EXOC6B: variants seen among roughly 807,000 people sequenced by gnomAD.
EXOC6B encodes SEC15 homolog B.
A neutral mutation model predicts 113.5 loss-of-function variants in EXOC6B; 54 were observed. The ratio of observed to expected loss-of-function variants is 0.48; its 90% CI spans 0.38 to 0.60. The LOEUF (loss-of-function observed/expected upper bound fraction) is 0.60, where lower values mean the gene tolerates loss of function less well. Ranked by LOEUF, EXOC6B falls within the 20% of genes least tolerant of loss-of-function variation. The pLI is 0.00. For synonymous variants in EXOC6B, 357 were observed against 339.0 expected (o/e 1.05, Z -0.58); for missense variants, 797 against 977.5 (o/e 0.82, Z 2.46).
At chr2:72,265,578 T>G (rs1172746013) in intron 20 of EXOC6B, among the ~76,000 whole-genome samples, 1 of 151,908 alleles carries the variant, frequency 6.6e-6, no homozygotes, top group East Asian at 1.9e-4. Context: ...ACAAACGACA[T>G]GAACTCATCA....
intron 1 of EXOC6B, among the ~76,000 whole-genome samples, chr2:72,800,869 T>A (rs1027911236): frequency 5.3e-5 from 8 of 152,216 alleles, no homozygotes; most frequent in Non-Finnish European, 1.0e-4. Flanking sequence ...ATGTACACTC[T>A]ATCAACGATG....
intron 20 of EXOC6B, among the ~76,000 whole-genome samples, chr2:72,217,412 A>T (rs1402333010): frequency 6.6e-6 from 1 of 152,202 alleles, no homozygotes; most frequent in Non-Finnish European, 1.5e-5. Context: ...TCAGGGTATT[A>T]ACTACCTCTG....
At chr2:72,735,020 G>A (rs185444103) in intron 2 of EXOC6B, among the ~76,000 whole-genome samples, 1 of 152,126 alleles carries the variant, frequency 6.6e-6, no homozygotes, top group Non-Finnish European at 1.5e-5. Context: ...TTTGTTACTA[G>A]AAAACAGTAT....
At chr2:72,489,103 G>A (rs1307045234) in intron 16 of EXOC6B, among the ~76,000 whole-genome samples, 1 of 152,004 alleles carries the variant, frequency 6.6e-6, no homozygotes, top group East Asian at 1.9e-4. Context: ...ACTTACCCTC[G>A]AGGTGCTGCT....
At chr2:72,772,893 T>TC (rs929439772) in intron 1 of EXOC6B, among the ~76,000 whole-genome samples, 5 of 149,232 alleles carry the variant, frequency 3.4e-5, no homozygotes, top group South Asian at 2.1e-4. Flanking sequence ...AAAACCATAA[T>TC]CCCCCCACCC....
rs577833332 is a variant in EXOC6B, at chr2:72,229,574, A to G, written c.2197-45387T>C. ...CAGGGAGCTCCCCAGTGAAGGCTCTAGAGCATCCCATAAAAGGATGAAGAG... is the reference window on the plus strand; with the variant it reads ...CAGGGAGCTCCCCAGTGAAGGCTCTGGAGCATCCCATAAAAGGATGAAGAG... On this transcript the variant is annotated intron_variant, in intron 20 of 21. Coordinates refer to ENST00000272427, the MANE Select transcript of EXOC6B (RefSeq NM_015189.3). Among the ~76,000 whole-genome samples, 3 of 152,324 alleles carry G rather than the reference A, an allele frequency of 2.0e-5. No homozygotes were observed. The South Asian group carries it at 6.2e-4, about 32-fold the overall frequency.
chr2:72,718,040 AAC>A, intron 6 of EXOC6B, 61 bp downstream of exon 6: 1 of 1,252,960 alleles, frequency 8.0e-7, no homozygotes, highest in Non-Finnish European at 1.1e-6. Flanking sequence ...GGCAAAGAGA[AAC>A]CTGTGTTTAA....
chr2:72,678,923 C>T (rs537695740), intron 6 of EXOC6B, among the ~76,000 whole-genome samples: 85 of 152,252 alleles, frequency 5.6e-4, no homozygotes, highest in African/African-American at 1.9e-3. Context: ...AAAAATACCT[C>T]AAGATACAAT....
chr2:72,214,843 T>C (rs1038584394), intron 20 of EXOC6B, among the ~76,000 whole-genome samples: 1 of 152,232 alleles, frequency 6.6e-6, no homozygotes, highest in Admixed American at 6.5e-5. Flanking sequence ...TGTTTTTGCA[T>C]GCGAAAATTT....
intron 19 of EXOC6B, among the ~76,000 whole-genome samples, chr2:72,373,937 A>G (rs1196526884): frequency 2.0e-5 from 3 of 152,170 alleles, no homozygotes; most frequent in Non-Finnish European, 2.9e-5. Flanking sequence ...CCTGGGCAAC[A>G]TGGTGAAACT....
At chr2:72,681,849 T>C (rs1676725095) in intron 6 of EXOC6B, among the ~76,000 whole-genome samples, 1 of 152,154 alleles carries the variant, frequency 6.6e-6, no homozygotes, top group Non-Finnish European at 1.5e-5. Flanking sequence ...TAGGGTAGTC[T>C]TGATTTATTA....
chr2:72,822,376 T>A (rs1304641967), intron 1 of EXOC6B, among the ~76,000 whole-genome samples: 6 of 152,176 alleles, frequency 3.9e-5, no homozygotes, highest in Non-Finnish European at 8.8e-5. Context: ...ACACCCTCTT[T>A]ATGTGTGGAT....
intron 20 of EXOC6B, among the ~76,000 whole-genome samples, chr2:72,322,663 C>G (rs1186394812): frequency 6.6e-6 from 1 of 152,076 alleles, no homozygotes; most frequent in East Asian, 1.9e-4. Context: ...TGGAACAGAA[C>G]AGAGGCCTCA....
intron 6 of EXOC6B, among the ~76,000 whole-genome samples, chr2:72,605,262 C>T (rs995175552): frequency 5.5e-5 from 8 of 145,574 alleles, no homozygotes; most frequent in South Asian, 2.2e-4. Context: ...CCAGCCTAGG[C>T]GACAGAGCAA....
intron 20 of EXOC6B, among the ~76,000 whole-genome samples, chr2:72,283,287 G>C (rs1039785208): frequency 8.5e-5 from 13 of 152,108 alleles, no homozygotes; most frequent in African/African-American, 3.1e-4. Flanking sequence ...TATGAGAGGA[G>C]CTTGGAAGTC....
chr2:72,605,995 A>AT (rs1215634847), intron 6 of EXOC6B, among the ~76,000 whole-genome samples: 1 of 152,182 alleles, frequency 6.6e-6, no homozygotes, highest in East Asian at 1.9e-4. Context: ...ATGACTTTAG[A>AT]TAAAAACCAA....
chr2:72,692,353 T>TC, intron 6 of EXOC6B, among the ~76,000 whole-genome samples: 1 of 151,782 alleles, frequency 6.6e-6, no homozygotes, highest in East Asian at 1.9e-4. Context: ...TTCACCATAT[T>TC]CTTTTTTTTT....
At chr2:72,296,703 TA>T (rs995973753) in intron 20 of EXOC6B, among the ~76,000 whole-genome samples, 2 of 152,002 alleles carry the variant, frequency 1.3e-5, no homozygotes, top group Non-Finnish European at 2.9e-5. Flanking sequence ...GAGAGAAGAG[TA>T]AAACACATCT....
intron 20 of EXOC6B, among the ~76,000 whole-genome samples, chr2:72,294,065 C>A (rs749717831): frequency 6.8e-6 from 1 of 147,250 alleles, no homozygotes. Context: ...ATAAGGGAGA[C>A]AGTGGAACCA....
Sources: gnomAD v4.1 joint callset for allele counts (sites outside exome capture counted in the v4.1 genomes callset) on GRCh38, gnomAD v4.1.1 for gene constraint, MANE v1.5 for transcripts, NCBI Gene and HGNC (gene_info 2026-07-23, HGNC 2026-07-21) for gene names.